SLC39A14: variants seen among roughly 807,000 people sequenced by gnomAD.
SLC39A14 encodes the protein solute carrier family 39 member 14.
Under a neutral mutation model 45.5 loss-of-function variants are expected in SLC39A14, and 19 were observed. That is an observed-to-expected ratio of 0.42 (90% CI 0.29 to 0.61). The LOEUF (loss-of-function observed/expected upper bound fraction) is 0.61. Ranked by LOEUF, SLC39A14 falls within the 20% of genes least tolerant of loss-of-function variation. The pLI is 0.22. For missense variants in SLC39A14, 447 were observed against 616.5 expected, an observed-to-expected ratio of 0.73 and a Z score of 2.91; for synonymous variants, 264 against 251.3, an observed-to-expected ratio of 1.05 and a Z score of -0.48.
intron 3 of SLC39A14, among the ~76,000 whole-genome samples, chr8:22,410,989 C>G (rs1835534776): frequency 6.6e-6 from 1 of 152,222 alleles, no homozygotes; most frequent in Non-Finnish European, 1.5e-5. Flanking sequence ...CCAGAAAAGA[C>G]AGCAGATGGG....
At position 22,416,170 on chromosome 8, in the gene SLC39A14, T is replaced by A. The variant is rs1359444165; in HGVS notation, c.1037T>A (p.Leu346His). ...TGGATGATCACTCTGAGCGACGGCCTCCATAATTTCATCGATGGCCTGGCC... is the reference window on the plus strand; with the variant it reads ...TGGATGATCACTCTGAGCGACGGCCACCATAATTTCATCGATGGCCTGGCC... ...LAWMITLSDGLHNFIDGLAIG... is the reference protein window; with the variant it reads ...LAWMITLSDGHHNFIDGLAIG... Residue 346 changes from leucine (L) to histidine (H), a missense_variant, in exon 7 of 9, where the codon CTC (leucine) becomes CAC (histidine). This residue lies in a region of SLC39A14 where 105 missense variants were observed against 188.4 expected (regional missense o/e 0.56). Coordinates refer to ENST00000381237, the MANE Select transcript of SLC39A14 (RefSeq NM_001128431.4). The A allele has an allele frequency of 6.2e-7, 1 of 1,614,094 alleles. No individual in the cohort carries two copies.
Position 22,421,047 on chromosome 8 carries a change from C to G in SLC39A14, c.*1349C>G, listed in dbSNP as rs1836198123. 1.0e-6 allele frequency: 1 copy of G among 985,754 alleles called. No homozygotes were observed. The highest frequency in any genetic ancestry group is 1.2e-6 in the Non-Finnish European group (1 of 829,952). 61.1% of individuals were successfully genotyped at this position (985,754 alleles called of 1,614,324 possible). Reference sequence around the variant, plus strand: ...CCGAGCTCTGGCTTCAAGGGGAGCTCTTCTCCAGGTTCACTAGGTGAATTG... The same window carrying G: ...CCGAGCTCTGGCTTCAAGGGGAGCTGTTCTCCAGGTTCACTAGGTGAATTG... On this transcript the variant is annotated 3_prime_UTR_variant, in exon 9 of 9. Transcript: ENST00000381237.
intron 7 of SLC39A14, 35 bp from the exon 8 acceptor site, chr8:22,417,616 C>G (rs755912342): frequency 1.9e-6 from 3 of 1,586,766 alleles, no homozygotes; most frequent in Middle Eastern, 1.7e-4. Flanking sequence ...ACTCTTCCTT[C>G]CTCGTCCCTC....
At chr8:22,386,978 G>C (rs1833826734) in intron 1 of SLC39A14, among the ~76,000 whole-genome samples, 1 of 152,030 alleles carries the variant, frequency 6.6e-6, no homozygotes, top group Non-Finnish European at 1.5e-5. Context: ...TCAAGACCAG[G>C]CTGGGCAATA....
At position 22,404,949 on chromosome 8, in the gene SLC39A14, A is replaced by G. The variant is rs1488376894; in HGVS notation, c.239A>G (p.Gln80Arg). Residue 80 changes from glutamine (Q) to arginine (R), a missense_variant, in exon 2 of 9, where the codon CAG becomes CGG. Physicochemically the swap from Gln to Arg is conservative, Grantham distance 43. Transcript: ENST00000381237. The stretch of plus-strand genomic sequence containing the variant: ...GGAGTGGGCCGGGGTAATGTCACCC[A>G]GCACGTGCAAGGACACAGGAACCTC... ...DVGVGRGNVT[Q>R]HVQGHRNLST... is the part of the protein sequence containing the mutation. The G allele has an allele frequency of 6.2e-7, 1 of 1,614,136 alleles. No homozygotes were observed. The highest frequency in any genetic ancestry group is 1.7e-5 in the Admixed American group (1 of 60,024).
At chr8:22,407,960 G>C (rs920530938) in intron 2 of SLC39A14, among the ~76,000 whole-genome samples, 4 of 151,442 alleles carry the variant, frequency 2.6e-5, no homozygotes, top group African/African-American at 9.7e-5. Flanking sequence ...CGCCTGCCTT[G>C]GCCTTCCAAA....
At chr8:22,370,792 T>C (rs942925799) in intron 1 of SLC39A14, among the ~76,000 whole-genome samples, 4 of 152,140 alleles carry the variant, frequency 2.6e-5, no homozygotes, top group African/African-American at 9.7e-5. Context: ...CATGGGAGGC[T>C]GGGGAGTGAG....
intron 2 of SLC39A14, among the ~76,000 whole-genome samples, chr8:22,406,292 T>C (rs141286289): frequency 0.055 from 8,235 of 150,490 alleles, 308 homozygotes; most frequent in Non-Finnish European, 0.084. Flanking sequence ...CTACTAAAAA[T>C]ACAAAAATTA....
intron 3 of SLC39A14, among the ~76,000 whole-genome samples, chr8:22,410,712 C>G (rs544078583): frequency 6.6e-6 from 1 of 152,302 alleles, no homozygotes; most frequent in South Asian, 2.1e-4. Flanking sequence ...TGCATCTTGA[C>G]TTTTTTCTGA....
At chr8:22,409,482 A>G (rs2132331308) in intron 3 of SLC39A14, among the ~76,000 whole-genome samples, 1 of 152,080 alleles carries the variant, frequency 6.6e-6, no homozygotes, top group Middle Eastern at 3.4e-3. Flanking sequence ...TCCTGGGTTC[A>G]AGCGATTCTC....
chr8:22,367,309 T>A lies in SLC39A14; in HGVS notation c.-115T>A, dbSNP rs1832688690. On this transcript the variant is annotated 5_prime_UTR_variant, in exon 1 of 9. Coordinates refer to ENST00000381237, the MANE Select transcript of SLC39A14 (RefSeq NM_001128431.4). The surrounding 1 kb of genome is among the most constrained non-coding windows in gnomAD (Gnocchi z 4.2). ...ACGCAGTGAGGGGGGTCGGCGCGCG[T>A]GTCTACGCGGACGCACCGGCTAAGC... 1 of 151,594 alleles carries A rather than the reference T, an allele frequency of 6.6e-6. No homozygotes were observed. The highest frequency in any genetic ancestry group is 6.6e-5 in the Admixed American group (1 of 15,194). 9.4% of individuals were successfully genotyped at this position (151,594 alleles called of 1,614,324 possible).
In SLC39A14 at chr8:22,422,525, G is replaced by T. The variant is rs748905648; in HGVS notation, c.*2827G>T. 12 of 985,468 alleles carry T rather than the reference G, an allele frequency of 1.2e-5. No individual in the cohort carries two copies. The highest frequency in any genetic ancestry group is 1.2e-5 in the Non-Finnish European group (10 of 829,748). 61.0% of individuals were successfully genotyped at this position (985,468 alleles called of 1,614,324 possible). A position where few individuals can be genotyped will look rare whatever the true frequency, so the allele number is the denominator to read the frequency against. On this transcript the variant is annotated 3_prime_UTR_variant, in exon 9 of 9. Coordinates refer to ENST00000381237, the MANE Select transcript of SLC39A14 (RefSeq NM_001128431.4). ...TTGCAAGAGAGGTTAGGATTTTATT[G>T]TTCTTATTTCCCTTTACAGTTCTGC... is the stretch of plus-strand genomic sequence containing the variant.
At position 22,404,816 on chromosome 8, in the gene SLC39A14, C is replaced by T; in HGVS notation, c.106C>T (p.Pro36Ser). The stretch of plus-strand genomic sequence containing the variant: ...GGCTCACGCTTCATCCCTGGGTGCA[C>T]CAGCTATCAGCGCTGCCTCCTTCCT... ...PEAHASSLGA[P>S]AISAASFLQD... is the part of the protein sequence containing the mutation. Residue 36 changes from proline to serine, a missense_variant, in exon 2 of 9, where the codon CCA becomes TCA. Physicochemically the swap from Pro to Ser is moderately conservative, Grantham distance 74. This residue lies in a region of SLC39A14 where 342 missense variants were observed against 428.1 expected (regional missense o/e 0.80). Transcript: ENST00000381237. 6.2e-7 allele frequency: 1 copy of T among 1,613,576 alleles called. No individual in the cohort carries two copies. Among genetic ancestry groups the T allele is most frequent in the Non-Finnish European group, 8.5e-7 (1 of 1,179,526 alleles).
chr8:22,422,166 G>A lies in SLC39A14; in HGVS notation c.*2468G>A. On this transcript the variant is annotated 3_prime_UTR_variant, in exon 9 of 9. Transcript: ENST00000381237. ...TCAGTGGGAGGACTTTTTCACCCCT[G>A]GCATTAGCAGCTTCGACCTCATTTT... The A allele has an allele frequency of 1.0e-6, 1 of 985,410 alleles. No homozygotes were observed. The highest frequency in any genetic ancestry group is 1.2e-6 in the Non-Finnish European group (1 of 829,940). The allele number at this position is 985,410 out of a possible 1,614,324, so 61.0% of individuals were successfully genotyped here. A position where few individuals can be genotyped will look rare whatever the true frequency, so the allele number is the denominator to read the frequency against.
intron 8 of SLC39A14, among the ~76,000 whole-genome samples, chr8:22,433,074 G>A (rs1260192440): frequency 6.6e-6 from 1 of 152,022 alleles, no homozygotes; most frequent in East Asian, 1.9e-4. Flanking sequence ...AAAGTGCTGG[G>A]ATTACAGTCA....
chr8:22,398,621 C>T lies in SLC39A14; in HGVS notation c.-15-6075C>T, dbSNP rs1834656392. 6.1e-6 allele frequency: 4 copies of T among 658,906 alleles called. No individual in the cohort carries two copies. The South Asian group carries it at 2.7e-4, about 45-fold the overall frequency. 40.8% of individuals were successfully genotyped at this position (658,906 alleles called of 1,614,324 possible). A position where few individuals can be genotyped will look rare whatever the true frequency, so the allele number is the denominator to read the frequency against. ...GCCTTGTTGGTTTCTGTTGCCTGTT[C>T]TCATATCTATGCCCAACCTCTAGAC... On this transcript the variant is annotated intron_variant, in intron 1 of 8. Coordinates refer to ENST00000381237, the MANE Select transcript of SLC39A14 (RefSeq NM_001128431.4).
chr8:22,374,214 C>T (rs1200485667), intron 1 of SLC39A14, among the ~76,000 whole-genome samples: 5 of 152,116 alleles, frequency 3.3e-5, no homozygotes, highest in Non-Finnish European at 1.5e-5. Context: ...GGCCACCTGG[C>T]GAGGGGCCTG....
intron 1 of SLC39A14, chr8:22,393,221 C>T: frequency 9.1e-6 from 9 of 985,814 alleles, no homozygotes; most frequent in Non-Finnish European, 1.1e-5. Flanking sequence ...GAAGATAATG[C>T]ATCCTTTCAG....
intron 1 of SLC39A14, among the ~76,000 whole-genome samples, chr8:22,377,934 G>A (rs1488891818): frequency 6.6e-6 from 1 of 152,138 alleles, no homozygotes; most frequent in African/African-American, 2.4e-5. Context: ...CTCCCTCTCT[G>A]CAGTTCACAA....
Sources: allele counts gnomAD v4.1 joint callset (sites outside exome capture counted in the v4.1 genomes callset), GRCh38; gene constraint gnomAD v4.1.1; regional missense constraint gnomAD v4.1.1; non-coding constraint Gnocchi (gnomAD v3.1); transcripts MANE v1.5; gene names NCBI Gene and HGNC (gene_info 2026-07-23, HGNC 2026-07-21).